R3HCC1L: variants seen among roughly 807,000 people sequenced by gnomAD.
The protein encoded by R3HCC1L is coiled-coil domain-containing protein R3HCC1L.
A neutral mutation model predicts 59.9 loss-of-function variants in R3HCC1L; 51 were observed. The observed-to-expected ratio is 0.85, with a 90% CI of 0.68 to 1.07. The LOEUF (loss-of-function observed/expected upper bound fraction) is 1.07. R3HCC1L is among the 50% of genes least tolerant of loss of function. The pLI, the probability that R3HCC1L is intolerant of heterozygous loss-of-function variation, is 0.00. For missense variants in R3HCC1L, 965 were observed against 933.0 expected (o/e 1.03, Z -0.45); for synonymous variants, 322 against 315.2 (o/e 1.02, Z -0.23).
chr10:98,196,062 T>C (rs1040524910), intron 4 of R3HCC1L, among the ~76,000 whole-genome samples: 3 of 152,206 alleles, frequency 2.0e-5, no homozygotes, highest in Non-Finnish European at 4.4e-5. Context: ...CTTTGTCATG[T>C]GGTGAATAGA....
chr10:98,206,227 T>G (rs1564691019), intron 4 of R3HCC1L, among the ~76,000 whole-genome samples: 1 of 118,506 alleles, frequency 8.4e-6, no homozygotes, highest in Non-Finnish European at 1.8e-5. Flanking sequence ...ACATCACTAT[T>G]TTGGGGCTTT....
chr10:98,183,234 A>G (rs1378824543), intron 4 of R3HCC1L, among the ~76,000 whole-genome samples: 1 of 152,042 alleles, frequency 6.6e-6, no homozygotes, highest in East Asian at 1.9e-4. Flanking sequence ...TTTCATGGAT[A>G]TAGATTTCTG....
intron 2 of R3HCC1L, 61 bp downstream of exon 2, chr10:98,156,208 A>G (rs1403855621): frequency 6.6e-6 from 1 of 152,126 alleles, no homozygotes; most frequent in African/African-American, 2.4e-5. Context: ...TTCTCCGAAT[A>G]TCGTTAGAAC....
rs374005011 is a variant in R3HCC1L at position 98,183,958 on chromosome 10, G to T, written c.-15+20561G>T. On this transcript the variant is annotated intron_variant, in intron 4 of 9. Transcript: ENST00000298999. Reference sequence around the variant, plus strand: ...TTTTTTTTTCTTTGCTCCTTTTTCGGTTTTTTTTTTTTTTTGGTTGAAATC... The same window carrying T: ...TTTTTTTTTCTTTGCTCCTTTTTCGTTTTTTTTTTTTTTTTGGTTGAAATC... Among the ~76,000 whole-genome samples the T allele has an allele frequency of 2.8e-3, 355 of 126,558 alleles. 4 individuals are homozygous for T. Among genetic ancestry groups the T allele is most frequent in the African/African-American group, 9.2e-3 (306 of 33,368 alleles). 83.0% of individuals were successfully genotyped at this position (126,558 alleles called of 152,430 possible).
At chr10:98,197,433 T>G (rs901935184) in intron 4 of R3HCC1L, among the ~76,000 whole-genome samples, 5 of 152,166 alleles carry the variant, frequency 3.3e-5, no homozygotes, top group African/African-American at 1.2e-4. Context: ...TGGTCTTCCT[T>G]GTATTTTCAT....
intron 5 of R3HCC1L, among the ~76,000 whole-genome samples, chr10:98,222,528 G>A (rs1171467372): frequency 1.3e-5 from 2 of 151,914 alleles, no homozygotes; most frequent in East Asian, 1.9e-4. Context: ...GTCATAGATA[G>A]CTCTTATTAT....
At chr10:98,150,116 G>A (rs1846001098) in intron 1 of R3HCC1L, among the ~76,000 whole-genome samples, 2 of 152,144 alleles carry the variant, frequency 1.3e-5, no homozygotes, top group African/African-American at 4.8e-5. Flanking sequence ...TTCAGCAAAT[G>A]TATTTCTGAG....
intron 1 of R3HCC1L, among the ~76,000 whole-genome samples, chr10:98,141,766 T>C (rs543598621): frequency 2.0e-5 from 3 of 152,348 alleles, no homozygotes; most frequent in Admixed American, 2.0e-4. Flanking sequence ...GGCTGTTTTC[T>C]AAGAGTGAAC....
At chr10:98,231,435 T>C (rs945326911) in intron 5 of R3HCC1L, 77 bp from the exon 6 acceptor site, 6 of 1,330,944 alleles carry the variant, frequency 4.5e-6, no homozygotes, top group Non-Finnish European at 6.3e-6. Context: ...GGGAGGAGGA[T>C]TGTTTATATA....
At position 98,209,103 on chromosome 10, in the gene R3HCC1L, T is replaced by C. The variant is rs1231900256; in HGVS notation, c.989T>C (p.Ile330Thr). Reference protein sequence around the residue: ...STNDTVSPVMIRECEKNDSTA... With the variant: ...STNDTVSPVMTRECEKNDSTA... ...AATGACACTGTTAGTCCAGTAATGA[T>C]TAGAGAATGTGAGAAGAATGACAGC... is the stretch of plus-strand genomic sequence containing the variant. The change falls in exon 5 of 10, where the codon ATT becomes ACT. Residue 330 changes from isoleucine to threonine, a missense_variant. Transcript: ENST00000298999. 1.2e-6 allele frequency: 2 copies of C among 1,614,028 alleles called. No homozygotes were observed. Among genetic ancestry groups the C allele is most frequent in the Non-Finnish European group, 1.7e-6 (2 of 1,179,974 alleles).
At chr10:98,200,396 C>G (rs551588193) in intron 4 of R3HCC1L, among the ~76,000 whole-genome samples, 1 of 152,070 alleles carries the variant, frequency 6.6e-6, no homozygotes, top group African/African-American at 2.4e-5. Flanking sequence ...GCCTTGACTC[C>G]GTCTGCAAAC....
intron 1 of R3HCC1L, among the ~76,000 whole-genome samples, chr10:98,137,942 A>G (rs1844755777): frequency 6.6e-6 from 1 of 151,230 alleles, no homozygotes; most frequent in Non-Finnish European, 1.5e-5. Context: ...AGCTTATTGG[A>G]TAGGGTCTGG....
In R3HCC1L at chr10:98,146,033, T is replaced by C. The variant is rs552424356; in HGVS notation, c.-267-10060T>C. Among the ~76,000 whole-genome samples, 112 of 152,358 alleles carry C rather than the reference T, an allele frequency of 7.4e-4. 4 individuals carry two copies. The South Asian group carries it at 0.023, about 31-fold the overall frequency. On this transcript the variant is annotated intron_variant, in intron 1 of 9. Coordinates refer to ENST00000298999, the MANE Select transcript of R3HCC1L (RefSeq NM_001351015.2). ...ATATGATCTTACTTGGTCACCCATC[T>C]ATTTACCATACATATTTCTAAGTAA...
intron 4 of R3HCC1L, among the ~76,000 whole-genome samples, chr10:98,188,930 A>T (rs1850529732): frequency 6.6e-6 from 1 of 152,156 alleles, no homozygotes; most frequent in African/African-American, 2.4e-5. Flanking sequence ...ATTCTACTTC[A>T]TAGGGTTGTT....
chr10:98,209,749 T>C lies in R3HCC1L; in HGVS notation c.1635T>C (p.Phe545=). 6.2e-7 allele frequency: 1 copy of C among 1,613,930 alleles called. No homozygotes were observed. The highest frequency in any genetic ancestry group is 8.5e-7 in the Non-Finnish European group (1 of 1,179,872). Residue 545 remains phenylalanine (F), a synonymous_variant, in exon 5 of 10, where the codon TTT becomes TTC. Transcript: ENST00000298999. ...DSGSIEFGVS[F]PDRESSSMET... ...GGAGTATAGAATTTGGTGTATCTTT[T>C]CCTGATAGGGAATCATCATCTATGG...
intron 4 of R3HCC1L, among the ~76,000 whole-genome samples, chr10:98,188,043 C>T (rs1337167763): frequency 6.6e-6 from 1 of 152,022 alleles, no homozygotes; most frequent in Non-Finnish European, 1.5e-5. Context: ...TATACTTGGC[C>T]AAAGGAATTC....
intron 1 of R3HCC1L, among the ~76,000 whole-genome samples, chr10:98,137,916 T>TA (rs1487980301): frequency 6.6e-6 from 1 of 152,096 alleles, no homozygotes; most frequent in Non-Finnish European, 1.5e-5. Context: ...GCCAGACTAT[T>TA]AGACTTTAAA....
At chr10:98,239,409 ATATGG>A (rs1857290573) in intron 9 of R3HCC1L, among the ~76,000 whole-genome samples, 1 of 152,146 alleles carries the variant, frequency 6.6e-6, no homozygotes, top group Admixed American at 6.6e-5. Context: ...TCCTGTTATA[ATATGG>A]TATAATAATC....
At chr10:98,223,532 A>G (rs999508075) in intron 5 of R3HCC1L, among the ~76,000 whole-genome samples, 1 of 151,738 alleles carries the variant, frequency 6.6e-6, no homozygotes, top group African/African-American at 2.4e-5. Flanking sequence ...TTCATAGGGA[A>G]AATACTTTTT....
Sources: allele counts gnomAD v4.1 joint callset (sites outside exome capture counted in the v4.1 genomes callset), GRCh38; gene constraint gnomAD v4.1.1; transcripts MANE v1.5; gene names NCBI Gene and HGNC (gene_info 2026-07-23, HGNC 2026-07-21).